GMDS: variants seen among roughly 807,000 people sequenced by gnomAD.
GMDS encodes GDP-mannose 4,6 dehydratase.
A neutral mutation model predicts 49.9 loss-of-function variants in GMDS; 20 were observed. The ratio of observed to expected loss-of-function variants is 0.40; its 90% CI spans 0.28 to 0.58. The LOEUF is 0.58. Among genes scored for constraint, GMDS ranks in the 20% least tolerant of loss-of-function variants. The pLI is 0.42. For missense variants in GMDS, 362 were observed against 481.4 expected (o/e 0.75, Z 2.32); for synonymous variants, 177 against 178.6 (o/e 0.99, Z 0.07).
At chr6:2,228,818 C>T (rs992811629) in intron 1 of GMDS, among the ~76,000 whole-genome samples, 2 of 152,160 alleles carry the variant, frequency 1.3e-5, no homozygotes, top group African/African-American at 2.4e-5. Flanking sequence ...CAATACCCCC[C>T]GTTGACAGCT....
intron 1 of GMDS, among the ~76,000 whole-genome samples, chr6:2,202,487 T>C (rs1405120060): frequency 6.6e-6 from 1 of 151,926 alleles, no homozygotes; most frequent in African/African-American, 2.4e-5. Flanking sequence ...TATGCTTACA[T>C]GTCTGGTTTC....
At chr6:2,056,167 T>C (rs576277063) in intron 4 of GMDS, among the ~76,000 whole-genome samples, 32 of 152,262 alleles carry the variant, frequency 2.1e-4, no homozygotes, top group African/African-American at 7.2e-4. Context: ...TAATAACAAG[T>C]ACATCTTATT....
intron 7 of GMDS, among the ~76,000 whole-genome samples, chr6:1,744,984 C>T (rs915480293): frequency 1.5e-5 from 2 of 132,440 alleles, no homozygotes. Context: ...CAGAGGCACA[C>T]GTGCACACAC....
At chr6:2,083,140 G>C (rs912602932) in intron 4 of GMDS, among the ~76,000 whole-genome samples, 1 of 152,192 alleles carries the variant, frequency 6.6e-6, no homozygotes, top group African/African-American at 2.4e-5. Flanking sequence ...GGTAAAATCA[G>C]ACAGTGGGAT....
intron 7 of GMDS, among the ~76,000 whole-genome samples, chr6:1,887,810 G>A (rs1256877139): frequency 6.6e-6 from 1 of 152,130 alleles, no homozygotes; most frequent in Non-Finnish European, 1.5e-5. Flanking sequence ...ACTCCCTTAT[G>A]TGAAATGGTA....
chr6:1,734,137 C>T (rs1766925315), intron 8 of GMDS, among the ~76,000 whole-genome samples: 1 of 152,172 alleles, frequency 6.6e-6, no homozygotes, highest in Non-Finnish European at 1.5e-5. Flanking sequence ...TCTTGCATTG[C>T]TACTGAAATG....
At chr6:1,926,273 A>G (rs1237857343) in intron 7 of GMDS, among the ~76,000 whole-genome samples, 2 of 152,188 alleles carry the variant, frequency 1.3e-5, no homozygotes. Flanking sequence ...CCACCTATGG[A>G]TGGCTAAACT....
At chr6:2,102,291 G>A (rs1053814616) in intron 4 of GMDS, among the ~76,000 whole-genome samples, 13 of 151,972 alleles carry the variant, frequency 8.6e-5, no homozygotes, top group African/African-American at 2.9e-4. Flanking sequence ...TGAAAAAAAT[G>A]TTATTAATTA....
At chr6:2,199,326 TA>T (rs779086255) in intron 1 of GMDS, among the ~76,000 whole-genome samples, 11 of 152,300 alleles carry the variant, frequency 7.2e-5, no homozygotes, top group Non-Finnish European at 1.2e-4. Flanking sequence ...GAACCCAAAA[TA>T]AATTAATTCT....
At chr6:2,105,278 T>G (rs1581657039) in intron 4 of GMDS, among the ~76,000 whole-genome samples, 2 of 148,608 alleles carry the variant, frequency 1.3e-5, no homozygotes, top group Admixed American at 1.3e-4. Flanking sequence ...GATGAAAAAA[T>G]TATTTACACA....
chr6:1,631,387 T>C (rs1315054336), intron 9 of GMDS, among the ~76,000 whole-genome samples: 1 of 152,196 alleles, frequency 6.6e-6, no homozygotes, highest in Non-Finnish European at 1.5e-5. Flanking sequence ...CATCTAGGAA[T>C]GCCTACCTAG....
chr6:1,887,068 T>C (rs1466892092), intron 7 of GMDS, among the ~76,000 whole-genome samples: 2 of 152,168 alleles, frequency 1.3e-5, no homozygotes, highest in African/African-American at 4.8e-5. Context: ...AAAACAGACA[T>C]GTAGAGAGGG....
intron 8 of GMDS, among the ~76,000 whole-genome samples, chr6:1,728,861 CTCT>C (rs778254084): frequency 6.6e-6 from 1 of 152,112 alleles, no homozygotes; most frequent in Non-Finnish European, 1.5e-5. Context: ...CTTCTTCCTC[CTCT>C]TATTTTTTCT....
intron 4 of GMDS, among the ~76,000 whole-genome samples, chr6:2,003,156 T>C (rs1554144727): frequency 6.6e-6 from 1 of 152,106 alleles, no homozygotes; most frequent in Non-Finnish European, 1.5e-5. Context: ...TATGGAATAA[T>C]TTACTCCTTA....
At chr6:2,235,475 A>G (rs1781313398) in intron 1 of GMDS, among the ~76,000 whole-genome samples, 1 of 152,204 alleles carries the variant, frequency 6.6e-6, no homozygotes, top group South Asian at 2.1e-4. Context: ...AAACAAATGC[A>G]AAGCTGGAGC....
chr6:1,858,903 A>G (rs979760275), intron 7 of GMDS, among the ~76,000 whole-genome samples: 2 of 152,184 alleles, frequency 1.3e-5, no homozygotes, highest in African/African-American at 2.4e-5. Context: ...AAGGTCATCT[A>G]TAAGCCTTGG....
chr6:1,863,524 G>C (rs950422173), intron 7 of GMDS, among the ~76,000 whole-genome samples: 1 of 152,052 alleles, frequency 6.6e-6, no homozygotes, highest in Non-Finnish European at 1.5e-5. Flanking sequence ...ATATAAGTGG[G>C]GAAGGGGACA....
intron 7 of GMDS, among the ~76,000 whole-genome samples, chr6:1,905,130 A>T (rs1462331793): frequency 6.6e-6 from 1 of 152,248 alleles, no homozygotes; most frequent in African/African-American, 2.4e-5. Flanking sequence ...TACTTAACCA[A>T]GCGATGCCTC....
chr6:1,770,684 G>A (rs1768547079), intron 7 of GMDS, among the ~76,000 whole-genome samples: 1 of 152,210 alleles, frequency 6.6e-6, no homozygotes. Context: ...GCCAACCACT[G>A]AGTAGTAAAC....
Sources: allele counts gnomAD v4.1 joint callset (sites outside exome capture counted in the v4.1 genomes callset), GRCh38; gene constraint gnomAD v4.1.1; transcripts MANE v1.5; gene names NCBI Gene and HGNC (gene_info 2026-07-23, HGNC 2026-07-21).